RIPPLY3: variants seen among roughly 807,000 people sequenced by gnomAD.
RIPPLY3 encodes the protein protein ripply3.
In RIPPLY3, 8 loss-of-function variants were observed where a neutral mutation model predicts 11.9. That is an observed-to-expected ratio of 0.67 (90% CI 0.40 to 1.21). The LOEUF (loss-of-function observed/expected upper bound fraction) is 1.21, where lower values mean the gene tolerates loss of function less well. Ranked by LOEUF, RIPPLY3 falls within the 50% of genes most tolerant of loss-of-function variation. The pLI, the probability that RIPPLY3 is intolerant of heterozygous loss-of-function variation, is 0.01. For synonymous variants in RIPPLY3, 102 were observed against 99.0 expected, an observed-to-expected ratio of 1.03 and a Z score of -0.18; for missense variants, 271 against 246.0, an observed-to-expected ratio of 1.10 and a Z score of -0.68.
At chr21:37,014,547 T>G (rs57330874) in intron 3 of RIPPLY3, among the ~76,000 whole-genome samples, 2,923 of 152,258 alleles carry the variant, frequency 0.019, 107 homozygotes, top group African/African-American at 0.066. Flanking sequence ...TTTCTCTGTC[T>G]GTCTCGCTCG....
intron 2 of RIPPLY3, among the ~76,000 whole-genome samples, chr21:37,009,288 C>T (rs1276741922): frequency 6.6e-6 from 1 of 151,376 alleles, no homozygotes. Flanking sequence ...TGGGAAAGAC[C>T]ATGTATTGAA....
intron 3 of RIPPLY3, among the ~76,000 whole-genome samples, chr21:37,015,922 C>T (rs2069573823): frequency 6.8e-6 from 1 of 146,334 alleles, no homozygotes; most frequent in South Asian, 2.2e-4. Context: ...CCATGTTGCT[C>T]AGGCTGGTCT....
chr21:37,011,606 A>C lies in RIPPLY3; in HGVS notation c.172-1945A>C, dbSNP rs1320040787. Among the ~76,000 whole-genome samples, 6 of 152,154 alleles carry C rather than the reference A, an allele frequency of 3.9e-5. No homozygotes were observed. In the East Asian group the frequency reaches 1.2e-3, roughly 29 times the overall value. On this transcript the variant is annotated intron_variant, in intron 2 of 3. Coordinates refer to ENST00000329553, the MANE Select transcript of RIPPLY3 (RefSeq NM_018962.3). The stretch of plus-strand genomic sequence containing the variant: ...TCCTGTATCCCCCAAAGAGTGAACA[A>C]CTTTATGGAAAAGATTTGGTTTCAA...
chr21:37,006,668 C>G (rs1449402330), upstream of RIPPLY3: 13 of 708,622 alleles, frequency 1.8e-5, no homozygotes, highest in South Asian at 7.3e-4. The surrounding 1 kb of genome is among the most constrained non-coding windows in gnomAD (Gnocchi z 5.2). Flanking sequence ...GCCCCGCCCC[C>G]GTTTTTAAAC....
At chr21:37,009,137 C>T (rs2069496608) in intron 2 of RIPPLY3, among the ~76,000 whole-genome samples, 1 of 152,164 alleles carries the variant, frequency 6.6e-6, no homozygotes, top group Non-Finnish European at 1.5e-5. Flanking sequence ...GCATTGGTAA[C>T]TCAGTTGCTT....
chr21:37,007,182 G>C (rs1292173927), intron 1 of RIPPLY3, among the ~76,000 whole-genome samples: 1 of 152,138 alleles, frequency 6.6e-6, no homozygotes, highest in Non-Finnish European at 1.5e-5. Context: ...CTGCAGTCTC[G>C]GGCTCCTAAG....
chr21:37,011,294 C>T (rs556584897), intron 2 of RIPPLY3, among the ~76,000 whole-genome samples: 6 of 152,352 alleles, frequency 3.9e-5, no homozygotes, highest in Non-Finnish European at 8.8e-5. Context: ...GGGCGTGAGC[C>T]ACTGCGCCCT....
intron 1 of RIPPLY3, among the ~76,000 whole-genome samples, chr21:37,007,485 G>A (rs1475551483): frequency 7.0e-6 from 1 of 142,436 alleles, no homozygotes; most frequent in Non-Finnish European, 1.5e-5. Flanking sequence ...CTCGGCTCAC[G>A]GGAACCTCCG....
chr21:37,008,619 A>G (rs941996350), intron 2 of RIPPLY3, among the ~76,000 whole-genome samples: 56 of 151,964 alleles, frequency 3.7e-4, no homozygotes, highest in African/African-American at 1.3e-3. Flanking sequence ...TTAGCTGGGC[A>G]TGGTGGCAGG....
At chr21:37,015,465 C>T (rs892189670) in intron 3 of RIPPLY3, among the ~76,000 whole-genome samples, 1 of 152,148 alleles carries the variant, frequency 6.6e-6, no homozygotes, top group East Asian at 1.9e-4. Flanking sequence ...CCACCGCACC[C>T]GGCCATTCTG....
At chr21:37,006,637 C>T, upstream of RIPPLY3, 1 of 459,312 alleles carries the variant, frequency 2.2e-6, no homozygotes, top group Non-Finnish European at 3.4e-6. The surrounding 1 kb of genome is among the most constrained non-coding windows in gnomAD (Gnocchi z 5.2). Flanking sequence ...GTCCTGCCCC[C>T]TCCCAGCGCT....
Position 37,017,981 on chromosome 21 carries a change from C to T in RIPPLY3, c.347C>T (p.Ser116Phe). ...ACGATTGACTTCTACGACGATGAGTCTACTGAGTCTGCTTCCGAAGCTGAA... is the reference window on the plus strand; with the variant it reads ...ACGATTGACTTCTACGACGATGAGTTTACTGAGTCTGCTTCCGAAGCTGAA... ...QATIDFYDDE[S>F]TESASEAEEP... is the part of the protein sequence containing the mutation. The change falls in exon 4 of 4, where the codon TCT becomes TTT. Residue 116 changes from serine (S) to phenylalanine (F), a missense_variant. Transcript: ENST00000329553. 1 of 1,614,156 alleles carries T rather than the reference C, an allele frequency of 6.2e-7. No individual in the cohort carries two copies. The highest frequency in any genetic ancestry group is 8.5e-7 in the Non-Finnish European group (1 of 1,180,030).
chr21:37,011,204 A>G (rs1326704863), intron 2 of RIPPLY3, among the ~76,000 whole-genome samples: 1 of 152,050 alleles, frequency 6.6e-6, no homozygotes, highest in Admixed American at 6.6e-5. Flanking sequence ...GGGTTTCACT[A>G]TGTTGGCCAG....
intron 2 of RIPPLY3, among the ~76,000 whole-genome samples, chr21:37,012,497 T>A (rs1465833311): frequency 1.3e-5 from 2 of 152,058 alleles, no homozygotes; most frequent in Non-Finnish European, 2.9e-5. Context: ...CACTTGGGCC[T>A]CCCAAAGTGC....
In RIPPLY3 at chr21:37,008,221, C is replaced by T; in HGVS notation, c.169C>T (p.Pro57Ser). The T allele has an allele frequency of 2.5e-6, 4 of 1,614,074 alleles. No individual in the cohort carries two copies. The highest frequency in any genetic ancestry group is 1.7e-5 in the Admixed American group (1 of 60,016). ...TGCTGAGCTGACCAGAACTGGAAGG[C>T]CGGTAAGGTTCAGTGCGGGCGTTGT... ...GDAELTRTGR[P>S]LEPRADQHTF... is the part of the protein sequence containing the mutation. The change falls in exon 2 of 4, where the codon CCG becomes TCG. Residue 57 changes from proline to serine, a missense_variant and splice_region_variant. Physicochemically the swap from Pro to Ser is moderately conservative, Grantham distance 74. Transcript: ENST00000329553.
chr21:37,008,290 C>A, intron 2 of RIPPLY3, 67 bp downstream of exon 2: 1 of 1,547,414 alleles, frequency 6.5e-7, no homozygotes, highest in South Asian at 1.1e-5. Flanking sequence ...TTTTAAAATA[C>A]AGGGACCGTG....
At chr21:37,011,052 GTCTCAGCTCACTGCAA>G (rs1016323605) in intron 2 of RIPPLY3, among the ~76,000 whole-genome samples, 3 of 151,812 alleles carry the variant, frequency 2.0e-5, no homozygotes, top group Non-Finnish European at 4.4e-5. Context: ...CAATGGTGCA[GTCTCAGCTCACTGCAA>G]TCTCAGCTCA....
At chr21:37,015,091 G>A (rs2069564431) in intron 3 of RIPPLY3, among the ~76,000 whole-genome samples, 1 of 152,210 alleles carries the variant, frequency 6.6e-6, no homozygotes, top group Non-Finnish European at 1.5e-5. Flanking sequence ...AGATGCCTGG[G>A]TGGTTCTCCC....
At chr21:37,016,467 C>G (rs2069579874) in intron 3 of RIPPLY3, among the ~76,000 whole-genome samples, 1 of 152,126 alleles carries the variant, frequency 6.6e-6, no homozygotes. Flanking sequence ...ATCAGCTTTG[C>G]AAATAAGCAG....
Sources: gnomAD v4.1 joint callset for allele counts (sites outside exome capture counted in the v4.1 genomes callset) on GRCh38, gnomAD v4.1.1 for gene constraint, Gnocchi (gnomAD v3.1) non-coding constraint, MANE v1.5 for transcripts, NCBI Gene and HGNC (gene_info 2026-07-23, HGNC 2026-07-21) for gene names.